TMEM220: variants seen among roughly 807,000 people sequenced by gnomAD.
The protein encoded by TMEM220 is transmembrane protein 220.
TMEM220 carries 21 observed loss-of-function variants against 21.7 expected under a neutral mutation model. The observed-to-expected ratio is 0.97, with a 90% CI of 0.69 to 1.39. TMEM220 has a LOEUF of 1.39. TMEM220 is among the 40% of genes most tolerant of loss of function. TMEM220 has a pLI of 0.00. For synonymous variants in TMEM220, 80 were observed against 73.6 expected, an observed-to-expected ratio of 1.09 and a Z score of -0.45; for missense variants, 191 against 201.9, an observed-to-expected ratio of 0.95 and a Z score of 0.33.
downstream of TMEM220, among the ~76,000 whole-genome samples, chr17:10,712,448 C>T (rs79280605): frequency 4.1e-3 from 625 of 152,292 alleles, 1 homozygote; most frequent in Non-Finnish European, 6.8e-3. Context: ...GGACATGTAT[C>T]TCTCTGAGGG....
In TMEM220 at chr17:10,714,243, A is replaced by C. The variant is rs1457187583; in HGVS notation, c.*1210T>G. The C allele has an allele frequency of 6.6e-6, 1 of 152,140 alleles. No homozygotes were observed. The highest frequency in any genetic ancestry group is 6.5e-5 in the Admixed American group (1 of 15,272). 9.4% of individuals were successfully genotyped at this position (152,140 alleles called of 1,614,324 possible). On this transcript the variant is annotated 3_prime_UTR_variant, in exon 6 of 6. Coordinates refer to ENST00000341871, the MANE Select transcript of TMEM220 (RefSeq NM_001004313.3). ...ATAGCCCCACTCATTTGGACACTAA[A>C]TTTTCATTGGAAATACTTTATCTGT...
chr17:10,712,886 G>A (rs190823934), downstream of TMEM220, among the ~76,000 whole-genome samples: 1 of 152,306 alleles, frequency 6.6e-6, no homozygotes, highest in African/African-American at 2.4e-5. Context: ...AGATAGTGTG[G>A]AGCCCTTAGG....
intron 5 of TMEM220, among the ~76,000 whole-genome samples, chr17:10,717,198 T>G (rs394310): frequency 6.6e-6 from 1 of 152,122 alleles, no homozygotes; most frequent in African/African-American, 2.4e-5. Context: ...GCTGGGACAA[T>G]AGCTGGGACA....
Position 10,729,912 on chromosome 17 carries a change from C to T in TMEM220, c.-61G>A, listed in dbSNP as rs1567590180. ...CCACGTGCGGGGCGGTGAGTCCTGC[C>T]ACGTACGGTCCGCCTTCCTCCTTGC... On this transcript the variant is annotated 5_prime_UTR_variant, in exon 1 of 6. Coordinates refer to ENST00000341871, the MANE Select transcript of TMEM220 (RefSeq NM_001004313.3). The T allele has an allele frequency of 6.3e-6, 8 of 1,264,038 alleles. No homozygotes were observed. Among genetic ancestry groups the T allele is most frequent in the African/African-American group, 1.6e-5 (1 of 64,408 alleles). The allele number at this position is 1,264,038 out of a possible 1,614,324, so 78.3% of individuals were successfully genotyped here.
At position 10,729,905 on chromosome 17, in the gene TMEM220, G is replaced by C; in HGVS notation, c.-54C>G. 7.9e-7 allele frequency: 1 copy of C among 1,273,460 alleles called. No homozygotes were observed. The allele number at this position is 1,273,460 out of a possible 1,614,324, so 78.9% of individuals were successfully genotyped here. A position where few individuals can be genotyped will look rare whatever the true frequency, so the allele number is the denominator to read the frequency against. On this transcript the variant is annotated 5_prime_UTR_variant, in exon 1 of 6. Transcript: ENST00000341871. ...AGTCCTGCCACGTGCGGGGCGGTGAGTCCTGCCACGTACGGTCCGCCTTCC... is the reference window on the plus strand; with the variant it reads ...AGTCCTGCCACGTGCGGGGCGGTGACTCCTGCCACGTACGGTCCGCCTTCC...
At chr17:10,716,971 TTTTTG>T (rs2074929848) in intron 5 of TMEM220, among the ~76,000 whole-genome samples, 2 of 152,254 alleles carry the variant, frequency 1.3e-5, no homozygotes, top group South Asian at 4.1e-4. Flanking sequence ...AAATGTTAAC[TTTTTG>T]TTTTATCACT....
chr17:10,720,181 C>T (rs1047696039), intron 5 of TMEM220, among the ~76,000 whole-genome samples: 1 of 152,140 alleles, frequency 6.6e-6, no homozygotes, highest in Non-Finnish European at 1.5e-5. Flanking sequence ...TATGCAATTA[C>T]ACTTTGACCC....
At chr17:10,719,959 T>C (rs550641503) in intron 5 of TMEM220, among the ~76,000 whole-genome samples, 30 of 152,302 alleles carry the variant, frequency 2.0e-4, no homozygotes, top group African/African-American at 7.0e-4. Context: ...CTCTGAACCA[T>C]ATGAAAATGT....
Position 10,723,325 on chromosome 17 carries a change from G to A in TMEM220, c.292C>T (p.Leu98=), listed in dbSNP as rs761925406. 5 of 1,613,966 alleles carry A rather than the reference G, an allele frequency of 3.1e-6. No homozygotes were observed. The highest frequency in any genetic ancestry group is 4.2e-6 in the Non-Finnish European group (5 of 1,179,880). ...GCTGTAATAATCACCAGACCAGACAGCTCCCTATAAAAGGGTGTACATTTC... is the reference window on the plus strand; with the variant it reads ...GCTGTAATAATCACCAGACCAGACAACTCCCTATAAAAGGGTGTACATTTC... ...NILHEEEGRE[L]SGLVIITAWI... is the part of the protein sequence containing the mutation. Residue 98 remains leucine (L), a synonymous_variant, in exon 5 of 6, where the codon CTG becomes TTG. Transcript: ENST00000341871.
At chr17:10,716,160 G>A (rs183777926) in intron 5 of TMEM220, 29 of 882,754 alleles carry the variant, frequency 3.3e-5, no homozygotes, top group African/African-American at 2.5e-4. Context: ...ATACTCATAA[G>A]CCTTCTGGAT....
At position 10,726,308 on chromosome 17, in the gene TMEM220, C is replaced by T. The variant is rs200335255; in HGVS notation, c.103-44G>A. On this transcript the variant is annotated intron_variant, in intron 2 of 5. Transcript: ENST00000341871. Reference sequence around the variant, plus strand: ...GAAATTACATGAGTTAAGATGTATGCCCAATATATGAGATGTTCAGAGATA... The same window carrying T: ...GAAATTACATGAGTTAAGATGTATGTCCAATATATGAGATGTTCAGAGATA... 1.9e-5 allele frequency: 27 copies of T among 1,423,734 alleles called. No individual in the cohort carries two copies. The East Asian group carries it at 3.0e-4, about 16-fold the overall frequency. The allele number at this position is 1,423,734 out of a possible 1,614,324, so 88.2% of individuals were successfully genotyped here. A position where few individuals can be genotyped will look rare whatever the true frequency, so the allele number is the denominator to read the frequency against.
Position 10,729,958 on chromosome 17 carries a change from G to A in TMEM220, c.-107C>T. The A allele has an allele frequency of 8.1e-7, 1 of 1,232,282 alleles. No individual in the cohort carries two copies. The highest frequency in any genetic ancestry group is 1.0e-6 in the Non-Finnish European group (1 of 987,246). The allele number at this position is 1,232,282 out of a possible 1,614,324, so 76.3% of individuals were successfully genotyped here. On this transcript the variant is annotated 5_prime_UTR_variant, in exon 1 of 6. Transcript: ENST00000341871. ...CTTGCGCGGAGGGACCGAGACCCCC[G>A]CCTCGGTTTCGGTGCCTTGGGGACA...
intron 5 of TMEM220, among the ~76,000 whole-genome samples, chr17:10,722,511 A>G (rs1206327708): frequency 1.3e-5 from 2 of 152,218 alleles, no homozygotes; most frequent in Non-Finnish European, 2.9e-5. Flanking sequence ...TAATGATTAC[A>G]ACATTAATCC....
At chr17:10,715,979 G>T in intron 5 of TMEM220, 3 of 418,434 alleles carry the variant, frequency 7.2e-6, no homozygotes, top group Middle Eastern at 6.7e-4. Context: ...ATCATTTATA[G>T]TTTATAAAAA....
intron 5 of TMEM220, among the ~76,000 whole-genome samples, chr17:10,719,169 CTAATAAG>C (rs56249852): frequency 0.51 from 76,683 of 151,386 alleles, 20,068 homozygotes; most frequent in African/African-American, 0.65. Context: ...AATCTACTTT[CTAATAAG>C]TGGTGTTGAG....
At chr17:10,724,896 C>T (rs1050091185) in intron 4 of TMEM220, 115 bp downstream of exon 4, 22 of 1,429,862 alleles carry the variant, frequency 1.5e-5, no homozygotes, top group Non-Finnish European at 1.9e-5. Flanking sequence ...GCCTCCTCCA[C>T]AGGGTACACT....
rs937749579 is a variant in TMEM220 at position 10,713,709 on chromosome 17, G to T, written c.*1744C>A. The T allele has an allele frequency of 1.3e-5, 2 of 152,158 alleles. No individual in the cohort carries two copies. Among genetic ancestry groups the T allele is most frequent in the Non-Finnish European group, 2.9e-5 (2 of 68,036 alleles). The allele number at this position is 152,158 out of a possible 1,614,324, so 9.4% of individuals were successfully genotyped here. On this transcript the variant is annotated 3_prime_UTR_variant, in exon 6 of 6. Transcript: ENST00000341871. Reference sequence around the variant, plus strand: ...ACTTTGACTGTTTTAATATCAACTAGATTTGTTTTCCCCCTTTTTACTCAT... The same window carrying T: ...ACTTTGACTGTTTTAATATCAACTATATTTGTTTTCCCCCTTTTTACTCAT...
chr17:10,713,448 A>G lies in TMEM220; in HGVS notation c.*2005T>C. The G allele has an allele frequency of 6.6e-6, 1 of 152,126 alleles. No individual in the cohort carries two copies. Among genetic ancestry groups the G allele is most frequent in the East Asian group, 1.9e-4 (1 of 5,204 alleles). 9.4% of individuals were successfully genotyped at this position (152,126 alleles called of 1,614,324 possible). The stretch of plus-strand genomic sequence containing the variant: ...ATAATTTCGTAGTCTGATATGGGAG[A>G]GGCATACATGATGAAAGCACATCTT... On this transcript the variant is annotated 3_prime_UTR_variant, in exon 6 of 6. Coordinates refer to ENST00000341871, the MANE Select transcript of TMEM220 (RefSeq NM_001004313.3).
intron 4 of TMEM220, chr17:10,724,506 G>A (rs1338255780): frequency 6.5e-6 from 1 of 153,942 alleles, no homozygotes. Context: ...CTTGAACCTG[G>A]GAGACGGAAG....
Sources: gnomAD v4.1 joint callset for allele counts (sites outside exome capture counted in the v4.1 genomes callset) on GRCh38, gnomAD v4.1.1 for gene constraint, MANE v1.5 for transcripts, NCBI Gene and HGNC (gene_info 2026-07-23, HGNC 2026-07-21) for gene names.